The following NPHS2 variants were observed in gnomAD, a reference collection of about 807,000 sequenced individuals.
NPHS2 encodes NPHS2 stomatin family member, podocin, also known as podocin.
In NPHS2, 36 loss-of-function variants were observed where a neutral mutation model predicts 37.1. The observed-to-expected ratio is 0.97, with a 90% CI of 0.74 to 1.28. The LOEUF (loss-of-function observed/expected upper bound fraction) is 1.28. NPHS2 is among the 50% of genes most tolerant of loss of function. The pLI is 0.00. For synonymous variants in NPHS2, 196 were observed against 189.3 expected, an observed-to-expected ratio of 1.04 and a Z score of -0.29; for missense variants, 447 against 488.1, an observed-to-expected ratio of 0.92 and a Z score of 0.79.
intron 7 of NPHS2, 27 bp downstream of exon 7, chr1:179,552,576 G>T: frequency 1.9e-6 from 3 of 1,597,138 alleles, no homozygotes; most frequent in Non-Finnish European, 2.6e-6. Flanking sequence ...CTAAAGGGCA[G>T]TCTGGGTGGG....
chr1:179,568,934 G>A (rs954766772), intron 1 of NPHS2, among the ~76,000 whole-genome samples: 4 of 152,144 alleles, frequency 2.6e-5, no homozygotes, highest in African/African-American at 7.2e-5. Context: ...TGTGATTTCT[G>A]TTCTTTTACA....
intron 1 of NPHS2, among the ~76,000 whole-genome samples, chr1:179,570,343 C>G (rs111478370): frequency 0.029 from 4,449 of 152,234 alleles, 203 homozygotes; most frequent in African/African-American, 0.099. Context: ...TTTTTATTAA[C>G]AGCAAGCCAG....
At position 179,551,126 on chromosome 1, in the gene NPHS2, C is replaced by T. The variant is rs1673188184; in HGVS notation, c.*47G>A. 5 of 1,612,316 alleles carry T rather than the reference C, an allele frequency of 3.1e-6. No individual in the cohort carries two copies. In the African/African-American group the frequency reaches 5.3e-5, roughly 17 times the overall value. ...CAGAGTGTCTCCCTCAGGCATGTGACTTTTCTATGGCAGGCCCCTTTACAG... is the reference window on the plus strand; with the variant it reads ...CAGAGTGTCTCCCTCAGGCATGTGATTTTTCTATGGCAGGCCCCTTTACAG... On this transcript the variant is annotated 3_prime_UTR_variant, in exon 8 of 8. Transcript: ENST00000367615.
chr1:179,551,551 A>T lies in NPHS2; in HGVS notation c.874-100T>A, dbSNP rs578218811. ...AGCAGACAAGCACTGAGCATCTACTATGTGGCAAGCACGGTTAAGCATAGA... is the reference window on the plus strand; with the variant it reads ...AGCAGACAAGCACTGAGCATCTACTTTGTGGCAAGCACGGTTAAGCATAGA... On this transcript the variant is annotated intron_variant, in intron 7 of 7. Coordinates refer to ENST00000367615, the MANE Select transcript of NPHS2 (RefSeq NM_014625.4). 10 of 1,376,080 alleles carry T rather than the reference A, an allele frequency of 7.3e-6. No homozygotes were observed. The East Asian group carries it at 2.3e-4, about 32-fold the overall frequency. The allele number at this position is 1,376,080 out of a possible 1,614,324, so 85.2% of individuals were successfully genotyped here.
At chr1:179,559,617 T>C in intron 4 of NPHS2, 62 bp downstream of exon 4, 1 of 1,057,444 alleles carries the variant, frequency 9.5e-7, no homozygotes, top group South Asian at 1.4e-5. Context: ...ATAATCATTT[T>C]GTCCACGGTA....
At chr1:179,567,731 A>G (rs1674389551) in intron 1 of NPHS2, among the ~76,000 whole-genome samples, 2 of 152,132 alleles carry the variant, frequency 1.3e-5, no homozygotes, top group Admixed American at 1.3e-4. Flanking sequence ...TTATTTTGAG[A>G]TATGTTCCAT....
Position 179,557,048 on chromosome 1 carries a change from C to A in NPHS2, c.717G>T (p.Lys239Asn). Residue 239 changes from lysine to asparagine, a missense_variant, in exon 5 of 8, where the codon AAG becomes AAT. Lys to Asn is a moderately conservative substitution (Grantham distance 94). Transcript: ENST00000367615. ...RSLTEILLER[K>N]SIAQDAKVAL... ...GTACCTTTGCATCTTGGGCGATGCTCTTCCTCTCTAGAAGAATTTCAGTGA... is the reference window on the plus strand; with the variant it reads ...GTACCTTTGCATCTTGGGCGATGCTATTCCTCTCTAGAAGAATTTCAGTGA... 1 of 1,613,840 alleles carries A rather than the reference C, an allele frequency of 6.2e-7. No individual in the cohort carries two copies. The highest frequency in any genetic ancestry group is 1.1e-5 in the South Asian group (1 of 91,046).
intron 1 of NPHS2, among the ~76,000 whole-genome samples, chr1:179,568,513 T>C (rs1037783599): frequency 2.0e-5 from 3 of 152,214 alleles, no homozygotes; most frequent in Non-Finnish European, 4.4e-5. Context: ...CCTGGATTCA[T>C]TGATTTTTTA....
At chr1:179,551,548 A>G in intron 7 of NPHS2, 97 bp from the exon 8 acceptor site, 1 of 1,406,594 alleles carries the variant, frequency 7.1e-7, no homozygotes, top group South Asian at 1.2e-5. Flanking sequence ...CTGAGCATCT[A>G]CTATGTGGCA....
At chr1:179,554,963 A>G (rs1285728312) in intron 5 of NPHS2, among the ~76,000 whole-genome samples, 5 of 152,200 alleles carry the variant, frequency 3.3e-5, no homozygotes, top group Non-Finnish European at 5.9e-5. Flanking sequence ...AGGTGACATG[A>G]TGATAGAAGC....
In NPHS2 at chr1:179,556,398, A is replaced by C. The variant is rs61031887; in HGVS notation, c.738+629T>G. ...CTTCTCCTCTGAATACCTGTTGCCT[A>C]CCTGCCTTGGTAAGAATCAAAGCCA... On this transcript the variant is annotated intron_variant, in intron 5 of 7. Transcript: ENST00000367615. The surrounding 1 kb of genome is among the most constrained non-coding windows in gnomAD (Gnocchi z 4.1). Among the ~76,000 whole-genome samples the C allele has an allele frequency of 0.01, 1,560 of 152,234 alleles. 33 individuals are homozygous for C. The highest frequency in any genetic ancestry group is 0.036 in the African/African-American group (1,476 of 41,516).
Position 179,575,612 on chromosome 1 carries a change from C to T in NPHS2, c.253G>A (p.Glu85Lys), listed in dbSNP as rs771625593. Residue 85 changes from glutamate (E) to lysine (K), a missense_variant, in exon 1 of 8, where the codon GAG becomes AAG. By Grantham distance (56) the Glu-to-Lys change is moderately conservative (BLOSUM62 1). Transcript: ENST00000367615. ...EEGTEVVALL[E>K]SERPEEGTKS... ...GTACCTTCCTCGGGCCGCTCGCTCTCCAACAGCGCCACCACCTCGGTGCCC... is the reference window on the plus strand; with the variant it reads ...GTACCTTCCTCGGGCCGCTCGCTCTTCAACAGCGCCACCACCTCGGTGCCC... The T allele has an allele frequency of 1.2e-6, 2 of 1,602,870 alleles. No homozygotes were observed. The highest frequency in any genetic ancestry group is 3.3e-5 in the Admixed American group (2 of 60,024).
At chr1:179,567,341 G>A (rs1175844952) in intron 1 of NPHS2, among the ~76,000 whole-genome samples, 3 of 152,270 alleles carry the variant, frequency 2.0e-5, no homozygotes, top group East Asian at 3.9e-4. Context: ...GTGAATGGGA[G>A]TTCACTCATG....
chr1:179,571,780 C>T (rs1176370732), intron 1 of NPHS2, among the ~76,000 whole-genome samples: 1 of 152,238 alleles, frequency 6.6e-6, no homozygotes, highest in Non-Finnish European at 1.5e-5. Flanking sequence ...CAATGGTGGA[C>T]ACCCCACCCC....
intron 2 of NPHS2, 30 bp from the exon 3 acceptor site, chr1:179,561,391 C>G: frequency 6.5e-7 from 1 of 1,531,864 alleles, no homozygotes; most frequent in Non-Finnish European, 9.0e-7. Flanking sequence ...TTTCAAATCA[C>G]TCCCAGAAAG....
intron 3 of NPHS2, among the ~76,000 whole-genome samples, chr1:179,560,837 G>T (rs1035619608): frequency 6.6e-6 from 1 of 152,188 alleles, no homozygotes; most frequent in Admixed American, 6.5e-5. Context: ...TGAGCCACAA[G>T]AAATGCTTAA....
intron 1 of NPHS2, 96 bp from the exon 2 acceptor site, chr1:179,564,889 A>C: frequency 3.1e-6 from 3 of 979,650 alleles, no homozygotes; most frequent in Non-Finnish European, 4.8e-6. Context: ...TGGAGTTGGC[A>C]CAACTTGGAG....
At chr1:179,566,318 GTGA>G (rs1486077669) in intron 1 of NPHS2, among the ~76,000 whole-genome samples, 1 of 152,234 alleles carries the variant, frequency 6.6e-6, no homozygotes. Context: ...CTGATGACCA[GTGA>G]TGATGAGTAT....
chr1:179,557,786 TGATACA>T (rs1469393590), intron 4 of NPHS2, among the ~76,000 whole-genome samples: 1 of 152,130 alleles, frequency 6.6e-6, no homozygotes, highest in African/African-American at 2.4e-5. Flanking sequence ...GAGTAAATTG[TGATACA>T]GCCACTAAAT....
Sources: allele counts gnomAD v4.1 joint callset (sites outside exome capture counted in the v4.1 genomes callset), GRCh38; gene constraint gnomAD v4.1.1; non-coding constraint Gnocchi (gnomAD v3.1); transcripts MANE v1.5; gene names NCBI Gene and HGNC (gene_info 2026-07-23, HGNC 2026-07-21).